Variants in DGAT2L6 observed in about 807,000 individuals in gnomAD.
DGAT2L6 encodes the protein diacylglycerol O-acyltransferase 2 like 6.
Under a neutral mutation model 25.5 loss-of-function variants are expected in DGAT2L6, and 22 were observed. That is an observed-to-expected ratio of 0.86 (90% CI 0.62 to 1.23). The LOEUF (loss-of-function observed/expected upper bound fraction) is 1.23. Ranked by LOEUF, DGAT2L6 falls within the 50% of genes most tolerant of loss-of-function variation. The pLI, the probability that DGAT2L6 is intolerant of heterozygous loss-of-function variation, is 0.00. For synonymous variants in DGAT2L6, 100 were observed against 94.7 expected, an observed-to-expected ratio of 1.06 and a Z score of -0.32; for missense variants, 287 against 253.2, an observed-to-expected ratio of 1.13 and a Z score of -0.91.
rs752625850 is a variant in DGAT2L6, at chrX:70,204,262, G to A, written c.648-43G>A. 2.6e-5 allele frequency: 29 copies of A among 1,113,246 alleles called. No homozygotes were observed. In the South Asian group the frequency reaches 3.2e-4, roughly 12 times the overall value. The allele number at this position is 1,113,246 out of a possible 1,213,427, so 91.7% of individuals were successfully genotyped here. A position where few individuals can be genotyped will look rare whatever the true frequency, so the allele number is the denominator to read the frequency against. Reference sequence around the variant, plus strand: ...CCACCTTGGAGAGGATTTTTCCGGGGATCTTCCTCAGAGAGCTCACACTCC... The same window carrying A: ...CCACCTTGGAGAGGATTTTTCCGGGAATCTTCCTCAGAGAGCTCACACTCC... On this transcript the variant is annotated intron_variant, in intron 5 of 6. Coordinates refer to ENST00000333026, the MANE Select transcript of DGAT2L6 (RefSeq NM_198512.3).
intron 6 of DGAT2L6, 41 bp from the exon 7 acceptor site, chrX:70,204,911 A>AG (rs770516006): frequency 8.8e-7 from 1 of 1,139,807 alleles, no homozygotes; most frequent in South Asian, 2.3e-5. Context: ...GTTTGAGTTG[A>AG]GGGGGGAACT....
intron 3 of DGAT2L6, 77 bp downstream of exon 3, chrX:70,199,959 A>G: frequency 9.8e-7 from 1 of 1,023,706 alleles, no homozygotes. Flanking sequence ...ATGTTTTCAG[A>G]GGCTTTGGTG....
At position 70,200,312 on chromosome X, in the gene DGAT2L6, C is replaced by T. The variant is rs745750763; in HGVS notation, c.325C>T (p.His109Tyr). 1 of 1,209,588 alleles carries T rather than the reference C, an allele frequency of 8.3e-7. No homozygotes were observed. Among genetic ancestry groups the T allele is most frequent in the African/African-American group, 1.8e-5 (1 of 57,097 alleles). ...CAACTACATCATTGCCAATCACCCC[C>T]ATGGCATTCTCTCTTTTGGTGTCTT... ...KHNYIIANHP[H>Y]GILSFGVFIN... Residue 109 changes from histidine (H) to tyrosine (Y), a missense_variant, in exon 4 of 7, where the codon CAT becomes TAT. Coordinates refer to ENST00000333026, the MANE Select transcript of DGAT2L6 (RefSeq NM_198512.3).
intron 1 of DGAT2L6, among the ~76,000 whole-genome samples, chrX:70,182,899 G>A (rs1197306517): frequency 9.0e-6 from 1 of 111,545 alleles, no homozygotes; most frequent in African/African-American, 3.3e-5. Context: ...CTTGTGATCC[G>A]CCTGCCTCGG....
At chrX:70,185,313 AT>A (rs2085356312) in intron 1 of DGAT2L6, among the ~76,000 whole-genome samples, 2 of 112,183 alleles carry the variant, frequency 1.8e-5, no homozygotes, top group Admixed American at 1.9e-4. Context: ...TTTGAACCTT[AT>A]CTTTCACAAG....
chrX:70,185,184 C>T (rs1472969054), intron 1 of DGAT2L6, among the ~76,000 whole-genome samples: 1 of 111,201 alleles, frequency 9.0e-6, no homozygotes, highest in Non-Finnish European at 1.9e-5. Context: ...AATGATGTTA[C>T]TCCCAGGCCT....
intron 1 of DGAT2L6, among the ~76,000 whole-genome samples, chrX:70,180,342 G>A (rs1190310898): frequency 1.6e-4 from 18 of 110,579 alleles, no homozygotes; most frequent in Non-Finnish European, 3.4e-4. Flanking sequence ...CTAGCTACTC[G>A]GGAGGCTGAG....
At chrX:70,181,239 A>G (rs1239669436) in intron 1 of DGAT2L6, among the ~76,000 whole-genome samples, 1 of 112,495 alleles carries the variant, frequency 8.9e-6, no homozygotes, top group Non-Finnish European at 1.9e-5. Flanking sequence ...TTTAAATAAT[A>G]GCCATCCCAA....
intron 1 of DGAT2L6, among the ~76,000 whole-genome samples, chrX:70,185,638 A>G (rs916757349): frequency 9.0e-6 from 1 of 111,597 alleles, no homozygotes; most frequent in Non-Finnish European, 1.9e-5. Flanking sequence ...CATTATTTTC[A>G]TCATTTCCAT....
intron 1 of DGAT2L6, among the ~76,000 whole-genome samples, chrX:70,186,706 G>A (rs1435912663): frequency 3.6e-5 from 4 of 111,557 alleles, no homozygotes; most frequent in East Asian, 5.6e-4. Flanking sequence ...ATTTTATATC[G>A]CTACCATGAA....
intron 1 of DGAT2L6, among the ~76,000 whole-genome samples, chrX:70,180,216 C>T (rs1276973818): frequency 2.7e-5 from 3 of 111,015 alleles, no homozygotes; most frequent in South Asian, 7.6e-4. Context: ...TTTGGGAGGC[C>T]GAGGCGGGTG....
intron 5 of DGAT2L6, among the ~76,000 whole-genome samples, chrX:70,203,320 G>A (rs2085417355): frequency 1.8e-5 from 2 of 112,172 alleles, no homozygotes; most frequent in Admixed American, 1.9e-4. Flanking sequence ...AACAGTGCTG[G>A]CACATAGAAA....
chrX:70,182,982 A>G (rs2085348406), intron 1 of DGAT2L6, among the ~76,000 whole-genome samples: 1 of 109,506 alleles, frequency 9.1e-6, no homozygotes, highest in African/African-American at 3.3e-5. Flanking sequence ...TAGTAGAGAC[A>G]GGGTTTTGCC....
In DGAT2L6 at chrX:70,202,337, C is replaced by T. The variant is rs7878678; in HGVS notation, c.647+273C>T. Among the ~76,000 whole-genome samples the T allele has an allele frequency of 0.17, 18,967 of 111,350 alleles. 1,418 individuals carry two copies. Among genetic ancestry groups the T allele is most frequent in the Non-Finnish European group, 0.23 (11,925 of 52,945 alleles). On this transcript the variant is annotated intron_variant, in intron 5 of 6. Coordinates refer to ENST00000333026, the MANE Select transcript of DGAT2L6 (RefSeq NM_198512.3). The stretch of plus-strand genomic sequence containing the variant: ...CTGGTAGGCTGGAGGTCTGGGAAAG[C>T]GGGGCTTCACTCTATATCAACCTGT...
chrX:70,188,041 C>A (rs988127042), intron 1 of DGAT2L6, among the ~76,000 whole-genome samples: 5 of 111,475 alleles, frequency 4.5e-5, no homozygotes, highest in Non-Finnish European at 9.4e-5. Context: ...ATAAACTATG[C>A]CATGTGAAAC....
rs770368808 is a variant in DGAT2L6 at position 70,202,030 on chromosome X, C to A, written c.613C>A (p.Arg205Ser). 2.5e-6 allele frequency: 3 copies of A among 1,202,446 alleles called. No individual in the cohort carries two copies. Among genetic ancestry groups the A allele is most frequent in the Non-Finnish European group, 3.4e-6 (3 of 891,818 alleles). ...AGCCTCCACTCTCTTCCTCAAGCAGCGTAAAGGTTTTGTGAAGATGGCACT... is the reference window on the plus strand; with the variant it reads ...AGCCTCCACTCTCTTCCTCAAGCAGAGTAAAGGTTTTGTGAAGATGGCACT... ...PGASTLFLKQ[R>S]KGFVKMALQT... The change falls in exon 5 of 7, where the codon CGT becomes AGT. Residue 205 changes from arginine (R) to serine (S), a missense_variant. Physicochemically the swap from Arg to Ser is moderately radical, Grantham distance 110 (BLOSUM62 -1). Transcript: ENST00000333026.
At chrX:70,203,351 A>C (rs1373354979) in intron 5 of DGAT2L6, among the ~76,000 whole-genome samples, 4 of 112,459 alleles carry the variant, frequency 3.6e-5, no homozygotes, top group Non-Finnish European at 5.6e-5. Flanking sequence ...TTTGTTAAAT[A>C]AATGGAACAC....
chrX:70,189,551 G>T (rs1363583512), intron 1 of DGAT2L6, among the ~76,000 whole-genome samples: 1 of 111,741 alleles, frequency 8.9e-6, no homozygotes, highest in Non-Finnish European at 1.9e-5. Context: ...ATTCTCCCCA[G>T]ATTGATCTAT....
intron 1 of DGAT2L6, among the ~76,000 whole-genome samples, chrX:70,189,305 T>C (rs753344353): frequency 2.7e-5 from 3 of 111,353 alleles, no homozygotes; most frequent in African/African-American, 6.5e-5. Flanking sequence ...TACAAGATCA[T>C]GCATAAAAAT....
Sources: allele counts gnomAD v4.1 joint callset (sites outside exome capture counted in the v4.1 genomes callset), GRCh38; gene constraint gnomAD v4.1.1; transcripts MANE v1.5; gene names NCBI Gene and HGNC (gene_info 2026-07-23, HGNC 2026-07-21).